The following MEGF11 variants were observed in gnomAD, a reference collection of about 807,000 sequenced individuals.
MEGF11 encodes the protein multiple EGF like domains 11.
Under a neutral mutation model 146.6 loss-of-function variants are expected in MEGF11, and 126 were observed. That is an observed-to-expected ratio of 0.86 (90% CI 0.74 to 1.00). The LOEUF (loss-of-function observed/expected upper bound fraction) is 1.00, where lower values mean the gene tolerates loss of function less well. Ranked by LOEUF, MEGF11 falls within the 50% of genes least tolerant of loss-of-function variation. MEGF11 has a pLI of 0.00. For synonymous variants in MEGF11, 532 were observed against 583.4 expected (o/e 0.91, Z 1.27); for missense variants, 1,509 against 1,521.2 (o/e 0.99, Z 0.13).
intron 5 of MEGF11, among the ~76,000 whole-genome samples, chr15:66,033,640 G>C (rs1182939777): frequency 6.6e-6 from 1 of 152,252 alleles, no homozygotes; most frequent in Non-Finnish European, 1.5e-5. Context: ...TCCCAGCAAG[G>C]CTATGGGGAT....
At chr15:66,231,307 G>A (rs113402105) in intron 1 of MEGF11, among the ~76,000 whole-genome samples, 94 of 152,034 alleles carry the variant, frequency 6.2e-4, no homozygotes, top group African/African-American at 2.1e-3. Context: ...GTGTGCTGCA[G>A]ATGAACCCCC....
intron 7 of MEGF11, among the ~76,000 whole-genome samples, chr15:65,974,264 G>A (rs965417982): frequency 6.6e-6 from 1 of 152,096 alleles, no homozygotes; most frequent in African/African-American, 2.4e-5. Context: ...GAAGTAGGGG[G>A]GCTAAGAGGA....
intron 10 of MEGF11, among the ~76,000 whole-genome samples, chr15:65,957,031 T>G (rs2080668430): frequency 6.6e-6 from 1 of 152,130 alleles, no homozygotes; most frequent in Non-Finnish European, 1.5e-5. Flanking sequence ...AAGGGTGCGG[T>G]GAGGGAATGC....
chr15:66,030,158 G>A (rs796348169), intron 5 of MEGF11, among the ~76,000 whole-genome samples: 7 of 152,208 alleles, frequency 4.6e-5, no homozygotes, highest in East Asian at 1.9e-4. Flanking sequence ...ATGACTTCTC[G>A]TGCACACAGG....
At chr15:66,094,377 C>T in intron 5 of MEGF11, 25 bp downstream of exon 5, 1 of 1,544,890 alleles carries the variant, frequency 6.5e-7, no homozygotes, top group Non-Finnish European at 8.8e-7. Context: ...CAGGGTGCCT[C>T]CTGACCCCCA....
chr15:66,134,204 TA>T lies in MEGF11; in HGVS notation c.-8-5794del, dbSNP rs374770862. On this transcript the variant is annotated intron_variant, in intron 1 of 25. Transcript: ENST00000395614. ...AGCAGAGCAGTAGAAACCGCCAAACTAATAAAGCGCCAGCCTCCCTCCCACA... is the reference window on the plus strand; with the variant it reads ...AGCAGAGCAGTAGAAACCGCCAAACTATAAAGCGCCAGCCTCCCTCCCACA... Among the ~76,000 whole-genome samples the T allele has an allele frequency of 2.4e-3, 363 of 152,044 alleles. 1 individual carries two copies. Among genetic ancestry groups the T allele is most frequent in the African/African-American group, 8.3e-3 (343 of 41,460 alleles).
At chr15:66,106,885 TA>T (rs1158986183) in intron 4 of MEGF11, among the ~76,000 whole-genome samples, 1 of 152,148 alleles carries the variant, frequency 6.6e-6, no homozygotes, top group Non-Finnish European at 1.5e-5. Context: ...AATATTAAAA[TA>T]TTCCTCTTCT....
intron 5 of MEGF11, among the ~76,000 whole-genome samples, chr15:65,986,792 C>CTT (rs1491353062): frequency 3.7e-5 from 5 of 134,008 alleles, no homozygotes; most frequent in African/African-American, 1.4e-4. Flanking sequence ...GCTGATTTTT[C>CTT]CTTTTTTTTT....
chr15:65,940,111 C>T (rs1472545110), intron 10 of MEGF11, among the ~76,000 whole-genome samples: 1 of 152,140 alleles, frequency 6.6e-6, no homozygotes, highest in Non-Finnish European at 1.5e-5. Flanking sequence ...TAAAATGAGG[C>T]TGTGGCATGA....
chr15:66,141,981 G>A (rs763170583), intron 1 of MEGF11, among the ~76,000 whole-genome samples: 53 of 151,788 alleles, frequency 3.5e-4, no homozygotes, highest in Non-Finnish European at 6.3e-4. Context: ...GGGGATCGGC[G>A]GCAATAACTG....
intron 1 of MEGF11, among the ~76,000 whole-genome samples, chr15:66,130,197 G>C (rs1024615295): frequency 1.1e-4 from 16 of 152,188 alleles, no homozygotes; most frequent in African/African-American, 3.9e-4. Flanking sequence ...AGCCTGCCCG[G>C]GACATGGCAT....
intron 8 of MEGF11, among the ~76,000 whole-genome samples, chr15:65,968,970 C>CTCTTTA (rs2081208867): frequency 6.6e-6 from 1 of 152,168 alleles, no homozygotes; most frequent in Non-Finnish European, 1.5e-5. Context: ...AAATATTAAA[C>CTCTTTA]ACCAGGCAGC....
intron 5 of MEGF11, among the ~76,000 whole-genome samples, chr15:66,015,656 T>C (rs1157118390): frequency 6.6e-6 from 1 of 152,150 alleles, no homozygotes; most frequent in Non-Finnish European, 1.5e-5. Context: ...CAACACAGTA[T>C]CTAGAACAGA....
intron 1 of MEGF11, among the ~76,000 whole-genome samples, chr15:66,179,951 T>C (rs746108031): frequency 5.3e-5 from 8 of 152,072 alleles, no homozygotes; most frequent in Non-Finnish European, 1.2e-4. Context: ...GGCAAGGGTT[T>C]ACCAAGCCCT....
intron 5 of MEGF11, among the ~76,000 whole-genome samples, chr15:66,090,313 T>C (rs779057389): frequency 6.6e-5 from 10 of 152,056 alleles, no homozygotes; most frequent in Non-Finnish European, 1.2e-4. Flanking sequence ...TAAGAAGAAA[T>C]TGGGACAAGT....
At chr15:66,222,477 C>T (rs1481073209) in intron 1 of MEGF11, among the ~76,000 whole-genome samples, 1 of 152,168 alleles carries the variant, frequency 6.6e-6, no homozygotes, top group Non-Finnish European at 1.5e-5. Context: ...TTTACTATAT[C>T]TCTCTGACTC....
At chr15:65,920,804 G>A (rs2141248178) in intron 15 of MEGF11, among the ~76,000 whole-genome samples, 1 of 152,360 alleles carries the variant, frequency 6.6e-6, no homozygotes, top group Non-Finnish European at 1.5e-5. Context: ...AACCAGGGCA[G>A]TTGCCATTAA....
chr15:66,246,072 C>T (rs1036571604), intron 1 of MEGF11, among the ~76,000 whole-genome samples: 2 of 151,768 alleles, frequency 1.3e-5, no homozygotes, highest in African/African-American at 4.8e-5. Context: ...ACCAGGCCAA[C>T]ACAGTGAGAC....
At chr15:65,906,037 T>C (rs779883720) in intron 24 of MEGF11, 48 bp downstream of exon 24, 1 of 1,492,260 alleles carries the variant, frequency 6.7e-7, no homozygotes, top group Non-Finnish European at 9.3e-7. Flanking sequence ...CTGCACTCTT[T>C]ATCTTGCTAA....
Sources: allele counts gnomAD v4.1 joint callset (sites outside exome capture counted in the v4.1 genomes callset), GRCh38; gene constraint gnomAD v4.1.1; transcripts MANE v1.5; gene names NCBI Gene and HGNC (gene_info 2026-07-23, HGNC 2026-07-21).